Variants in ERICH1 observed in about 807,000 individuals in gnomAD.
The protein encoded by ERICH1 is glutamate rich 1.
ERICH1 carries 56 observed loss-of-function variants against 39.6 expected under a neutral mutation model. The ratio of observed to expected loss-of-function variants is 1.41; its 90% confidence interval spans 1.14 to 1.77. The LOEUF is 1.77. ERICH1 is among the 40% of genes most tolerant of loss of function. The probability of loss-of-function intolerance (pLI) is 0.00; values close to 1 mark genes in which losing one functional copy is unlikely to be tolerated. For synonymous variants in ERICH1, 313 were observed against 223.6 expected (o/e 1.40, Z -3.57); for missense variants, 826 against 575.4 (o/e 1.44, Z -4.45).
intron 2 of ERICH1, among the ~76,000 whole-genome samples, chr8:699,668 C>G (rs1420228863): frequency 6.6e-6 from 1 of 152,032 alleles, no homozygotes; most frequent in Non-Finnish European, 1.5e-5. Flanking sequence ...GGAGCACGTA[C>G]AGACCCGCAC....
chr8:661,874 A>G (rs961426563), downstream of ERICH1, among the ~76,000 whole-genome samples: 1 of 152,258 alleles, frequency 6.6e-6, no homozygotes, highest in Non-Finnish European at 1.5e-5. Flanking sequence ...GCAAGAAGGG[A>G]GTCTACAGGA....
intron 3 of ERICH1, chr8:626,968 T>C: frequency 5.2e-6 from 2 of 382,930 alleles, no homozygotes; most frequent in Admixed American, 5.4e-5. Flanking sequence ...AGCTGTGCCG[T>C]GGAGGAGGAA....
intron 2 of ERICH1, among the ~76,000 whole-genome samples, chr8:714,813 A>T (rs1312194908): frequency 1.3e-5 from 2 of 151,596 alleles, no homozygotes; most frequent in Admixed American, 1.3e-4. Context: ...TGCTGCACCC[A>T]GATGTTCTCA....
intron 1 of ERICH1, among the ~76,000 whole-genome samples, chr8:722,690 TAAAATTTCA>T (rs1817602561): frequency 6.6e-6 from 1 of 152,246 alleles, no homozygotes; most frequent in South Asian, 2.1e-4. Flanking sequence ...CGTGATTCTC[TAAAATTTCA>T]AAACTTTTGC....
chr8:692,612 T>TC lies in ERICH1; in HGVS notation c.170-1dup (p.Asp57GlyfsTer5). ...GGCAGTCGGGGTCTCAGAGCCAGTG[T>TC]CTGCAACACAGGAGGAAAATAACAG... On this transcript the variant is annotated frameshift_variant and splice_region_variant. Coordinates refer to ENST00000262109, the MANE Select transcript of ERICH1 (RefSeq NM_207332.3). LOFTEE classifies it high-confidence loss of function. 1 of 1,579,794 alleles carries TC rather than the reference T, an allele frequency of 6.3e-7. No individual in the cohort carries two copies. The highest frequency in any genetic ancestry group is 1.1e-5 in the South Asian group (1 of 87,574).
At chr8:668,206 C>T (rs534718417) in intron 5 of ERICH1, 33 of 261,262 alleles carry the variant, frequency 1.3e-4, no homozygotes, top group African/African-American at 6.9e-4. Flanking sequence ...AAATAAAAGT[C>T]GTCATCACCA....
intron 2 of ERICH1, among the ~76,000 whole-genome samples, chr8:713,212 C>T (rs1385554483): frequency 6.6e-6 from 1 of 152,228 alleles, no homozygotes; most frequent in African/African-American, 2.4e-5. Context: ...CTTTAGGACC[C>T]CATCTCCAAA....
At position 688,418 on chromosome 8, in the gene ERICH1, C is replaced by T. The variant is rs1317136343; in HGVS notation, c.304+4060G>A. Among the ~76,000 whole-genome samples the T allele has an allele frequency of 4.1e-5, 6 of 145,230 alleles. No homozygotes were observed. In the East Asian group the frequency reaches 5.9e-4, roughly 14 times the overall value. Reference sequence around the variant, plus strand: ...GAGGCGCCCAGGCTCCGCTTCCCTCCGGCCTTCCTTAGCGCCGCGCCCATT... The same window carrying T: ...GAGGCGCCCAGGCTCCGCTTCCCTCTGGCCTTCCTTAGCGCCGCGCCCATT... On this transcript the variant is annotated intron_variant, in intron 3 of 5. Coordinates refer to ENST00000262109, the MANE Select transcript of ERICH1 (RefSeq NM_207332.3).
At chr8:691,344 G>T (rs896805291) in intron 3 of ERICH1, among the ~76,000 whole-genome samples, 2 of 152,226 alleles carry the variant, frequency 1.3e-5, no homozygotes, top group Non-Finnish European at 2.9e-5. Context: ...CTGTAGCTCA[G>T]TCCTGACACA....
At chr8:702,280 C>T (rs761903193) in intron 2 of ERICH1, among the ~76,000 whole-genome samples, 1 of 152,160 alleles carries the variant, frequency 6.6e-6, no homozygotes, top group Non-Finnish European at 1.5e-5. Context: ...AAACCTCACA[C>T]TCAATTAGCG....
chr8:715,813 G>A, intron 2 of ERICH1, 48 bp downstream of exon 2: 5 of 1,576,838 alleles, frequency 3.2e-6, no homozygotes, highest in Non-Finnish European at 4.3e-6. Context: ...TGATGACGGA[G>A]GTTAACTTCA....
chr8:658,647 T>A (rs1425496614), intron 3 of ERICH1, among the ~76,000 whole-genome samples: 4 of 152,096 alleles, frequency 2.6e-5, no homozygotes, highest in African/African-American at 9.7e-5. Context: ...CAGGCCTCAA[T>A]GAGATCATCA....
intron 2 of ERICH1, among the ~76,000 whole-genome samples, chr8:694,962 C>G (rs1563281744): frequency 6.6e-6 from 1 of 152,118 alleles, no homozygotes; most frequent in Non-Finnish European, 1.5e-5. Context: ...GAGGGGCAGT[C>G]AGAAACCCAC....
At chr8:710,611 G>C (rs1179423962) in intron 2 of ERICH1, among the ~76,000 whole-genome samples, 9 of 152,248 alleles carry the variant, frequency 5.9e-5, no homozygotes, top group African/African-American at 2.2e-4. Flanking sequence ...CAGTGTTACA[G>C]AGTTGGAATT....
At chr8:680,709 C>G (rs1805927154) in intron 3 of ERICH1, among the ~76,000 whole-genome samples, 2 of 152,252 alleles carry the variant, frequency 1.3e-5, no homozygotes, top group Admixed American at 1.3e-4. Context: ...CATCAACAGG[C>G]AAGTGTGTCA....
At chr8:626,086 C>T in intron 3 of ERICH1, 1 of 152,228 alleles carries the variant, frequency 6.6e-6, no homozygotes, top group East Asian at 1.9e-4. Context: ...ATCGTTTCCA[C>T]ACACCCTCCC....
intron 3 of ERICH1, among the ~76,000 whole-genome samples, chr8:687,823 G>A (rs1429459753): frequency 2.6e-5 from 4 of 152,170 alleles, no homozygotes; most frequent in Non-Finnish European, 4.4e-5. Flanking sequence ...CGGGGGCGAG[G>A]CGCGGAGAGG....
At chr8:715,713 G>T in intron 2 of ERICH1, 148 bp downstream of exon 2, 2 of 1,124,400 alleles carry the variant, frequency 1.8e-6, no homozygotes, top group Non-Finnish European at 2.5e-6. Context: ...TGTGGAGAGC[G>T]ATGCCTGCCC....
intron 3 of ERICH1, among the ~76,000 whole-genome samples, chr8:650,595 G>A (rs1394456787): frequency 2.6e-5 from 4 of 152,216 alleles, no homozygotes; most frequent in African/African-American, 9.6e-5. Flanking sequence ...GCCTGACCAG[G>A]GAGGAACCGG....
Sources: allele counts gnomAD v4.1 joint callset (sites outside exome capture counted in the v4.1 genomes callset), GRCh38; gene constraint gnomAD v4.1.1; transcripts MANE v1.5; gene names NCBI Gene and HGNC (gene_info 2026-07-23, HGNC 2026-07-21).